Variants in BMP2K observed in about 807,000 individuals in gnomAD.
The protein encoded by BMP2K is BMP2 inducible kinase, also known as BMP-2-inducible protein kinase.
In BMP2K, 74 loss-of-function variants were observed where a neutral mutation model predicts 116.0. The ratio of observed to expected loss-of-function variants is 0.64; its 90% CI spans 0.53 to 0.77. The LOEUF is 0.77. Among genes scored for constraint, BMP2K ranks in the 30% least tolerant of loss-of-function variants. The pLI is 0.00. For missense variants in BMP2K, 1,365 were observed against 1,403.6 expected (o/e 0.97, Z 0.44); for synonymous variants, 486 against 502.5 (o/e 0.97, Z 0.44).
chr4:78,795,602 A>G lies in BMP2K; in HGVS notation c.178+18881A>G, dbSNP rs568002569. On this transcript the variant is annotated intron_variant, in intron 1 of 15. Transcript: ENST00000502613. ...AAACTACCATCAGAGTGAACAGACA[A>G]CCTACAAAATGGGAGAAAATTTTCG... Among the ~76,000 whole-genome samples, 221 of 152,306 alleles carry G rather than the reference A, an allele frequency of 1.5e-3. 1 individual carries two copies. Among genetic ancestry groups the G allele is most frequent in the African/African-American group, 5.0e-3 (208 of 41,548 alleles).
At chr4:78,864,522 T>C (rs1731951846) in intron 9 of BMP2K, among the ~76,000 whole-genome samples, 1 of 151,722 alleles carries the variant, frequency 6.6e-6, no homozygotes, top group Non-Finnish European at 1.5e-5. Flanking sequence ...GAAAACGGCA[T>C]ACATATAATT....
At chr4:78,778,748 C>G (rs905262028) in intron 1 of BMP2K, among the ~76,000 whole-genome samples, 3 of 152,194 alleles carry the variant, frequency 2.0e-5, no homozygotes, top group African/African-American at 4.8e-5. Context: ...TGTTTAAGCA[C>G]AAGTCTAGTT....
At chr4:78,884,353 A>C (rs1178025126) in intron 14 of BMP2K, among the ~76,000 whole-genome samples, 1 of 152,066 alleles carries the variant, frequency 6.6e-6, no homozygotes, top group Non-Finnish European at 1.5e-5. Context: ...CAAACAAAAA[A>C]AACCAGTATA....
chr4:78,852,400 G>C (rs1386829475), intron 7 of BMP2K, among the ~76,000 whole-genome samples: 1 of 151,940 alleles, frequency 6.6e-6, no homozygotes, highest in Non-Finnish European at 1.5e-5. Context: ...ATAACAAAAG[G>C]TTGAAAAAAC....
intron 15 of BMP2K, 117 bp from the exon 16 acceptor site, chr4:78,910,493 T>G: frequency 1.2e-6 from 1 of 862,986 alleles, no homozygotes; most frequent in African/African-American, 1.7e-5. Context: ...TATTTTTTCC[T>G]CTAAGGGAAC....
chr4:78,787,938 G>A (rs1727805190), intron 1 of BMP2K, among the ~76,000 whole-genome samples: 2 of 152,126 alleles, frequency 1.3e-5, no homozygotes, highest in African/African-American at 4.8e-5. Context: ...TTGGACCATT[G>A]TTAGGGCTGC....
rs779008515 is a variant in BMP2K, at chr4:78,911,633, C to G, written c.3086C>G (p.Ser1029Cys). The G allele has an allele frequency of 6.2e-7, 1 of 1,614,014 alleles. No individual in the cohort carries two copies. Among genetic ancestry groups the G allele is most frequent in the Admixed American group, 1.7e-5 (1 of 60,024 alleles). Residue 1029 changes from serine (S) to cysteine (C), a missense_variant, in exon 16 of 16, where the codon TCT becomes TGT. Physicochemically the swap from Ser to Cys is moderately radical, Grantham distance 112. Coordinates refer to ENST00000502613, the MANE Select transcript of BMP2K (RefSeq NM_198892.2). The part of the protein sequence containing the change: ...RRHKKVGRRD[S>C]QSSNEFLTIS... Reference sequence around the variant, plus strand: ...CACAAAAAAGTGGGCCGCCGAGACTCTCAAAGTAGCAATGAATTTTTAACC... The same window carrying G: ...CACAAAAAAGTGGGCCGCCGAGACTGTCAAAGTAGCAATGAATTTTTAACC...
In BMP2K at chr4:78,915,296, A is replaced by G. The variant is rs945810829; in HGVS notation, c.*3263A>G. 6.6e-6 allele frequency: 1 copy of G among 151,980 alleles called. No homozygotes were observed. The highest frequency in any genetic ancestry group is 1.5e-5 in the Non-Finnish European group (1 of 67,924). 9.4% of individuals were successfully genotyped at this position (151,980 alleles called of 1,614,324 possible). A position where few individuals can be genotyped will look rare whatever the true frequency, so the allele number is the denominator to read the frequency against. On this transcript the variant is annotated 3_prime_UTR_variant, in exon 16 of 16. Transcript: ENST00000502613. ...AGCCCACTCTTCTATGCTGAAGTTC[A>G]CCAGGCAGAGCAGTTTTCTTACAAG... is the stretch of plus-strand genomic sequence containing the variant.
At chr4:78,796,843 T>G (rs1412671777) in intron 1 of BMP2K, among the ~76,000 whole-genome samples, 1 of 152,228 alleles carries the variant, frequency 6.6e-6, no homozygotes, top group African/African-American at 2.4e-5. Context: ...CTGTAGTCTT[T>G]TTCAGTTCTG....
chr4:78,797,561 G>A (rs1321939702), intron 1 of BMP2K, among the ~76,000 whole-genome samples: 1 of 152,126 alleles, frequency 6.6e-6, no homozygotes, highest in African/African-American at 2.4e-5. Flanking sequence ...GGTTGGCATT[G>A]TATGAAAACT....
chr4:78,796,415 T>C (rs1300525472), intron 1 of BMP2K, among the ~76,000 whole-genome samples: 2 of 147,986 alleles, frequency 1.4e-5, no homozygotes, highest in Non-Finnish European at 1.5e-5. Flanking sequence ...AGGGATAGCA[T>C]TGGGAGATAT....
At chr4:78,794,411 A>C (rs541370635) in intron 1 of BMP2K, among the ~76,000 whole-genome samples, 17 of 152,172 alleles carry the variant, frequency 1.1e-4, no homozygotes, top group Non-Finnish European at 2.9e-5. Flanking sequence ...AAATATTCTG[A>C]ATACCAAAAG....
At position 78,842,385 on chromosome 4, in the gene BMP2K, C is replaced by T; in HGVS notation, c.404C>T (p.Ala135Val). ...CTCTCAAAATTACTTTTTTGGTTAG[C>T]TGGACAGGTAGTGAATCAAATGAAT... ...EVLILMEYCR[A>V]GQVVNQMNKK... The change falls in exon 4 of 16, where the codon GCT (alanine) becomes GTT (valine). Residue 135 changes from alanine to valine, a missense_variant and splice_region_variant. Physicochemically the swap from Ala to Val is moderately conservative, Grantham distance 64. This residue lies in a region of BMP2K where 762 missense variants were observed against 756.7 expected (regional missense o/e 1.01). Coordinates refer to ENST00000502613, the MANE Select transcript of BMP2K (RefSeq NM_198892.2). 1.3e-6 allele frequency: 2 copies of T among 1,578,748 alleles called. No homozygotes were observed. Among genetic ancestry groups the T allele is most frequent in the South Asian group, 2.3e-5 (2 of 86,608 alleles).
At chr4:78,807,109 C>T (rs1728859989) in intron 1 of BMP2K, among the ~76,000 whole-genome samples, 2 of 152,132 alleles carry the variant, frequency 1.3e-5, no homozygotes, top group South Asian at 4.1e-4. Context: ...GCCTTGGCCT[C>T]CCAAAGTGCT....
rs553050180 is a variant in BMP2K, at chr4:78,882,457, T to C, written c.1951+3566T>C. 2.0e-5 allele frequency among the ~76,000 whole-genome samples: 3 copies of C among 151,856 alleles called. No homozygotes were observed. In the East Asian group the frequency reaches 5.8e-4, roughly 29 times the overall value. ...GAATGATTTTTTTAAAATTTAAGTT[T>C]GTATTTTTACTTTTTTGTACCAGAA... On this transcript the variant is annotated intron_variant, in intron 14 of 15. Coordinates refer to ENST00000502613, the MANE Select transcript of BMP2K (RefSeq NM_198892.2).
chr4:78,846,213 C>T (rs371360803), intron 5 of BMP2K, among the ~76,000 whole-genome samples: 23 of 151,644 alleles, frequency 1.5e-4, no homozygotes, highest in African/African-American at 4.8e-4. Flanking sequence ...CTTTGTGGCT[C>T]AATTAATGGA....
chr4:78,852,840 G>A (rs748191282), intron 7 of BMP2K, among the ~76,000 whole-genome samples: 1 of 152,100 alleles, frequency 6.6e-6, no homozygotes, highest in African/African-American at 2.4e-5. Flanking sequence ...CTGGCCTCGA[G>A]CAGTCCTGCC....
At chr4:78,877,896 C>T (rs1417135294) in intron 13 of BMP2K, among the ~76,000 whole-genome samples, 1 of 152,010 alleles carries the variant, frequency 6.6e-6, no homozygotes, top group Non-Finnish European at 1.5e-5. Context: ...CTTATGGAAC[C>T]ACCATCATAT....
In BMP2K at chr4:78,872,646, G is replaced by A. The variant is rs1182539369; in HGVS notation, c.1641G>A (p.Gln547=). 1 of 1,613,962 alleles carries A rather than the reference G, an allele frequency of 6.2e-7. No homozygotes were observed. The highest frequency in any genetic ancestry group is 2.2e-5 in the East Asian group (1 of 44,876). The stretch of plus-strand genomic sequence containing the variant: ...AGTATCAGCAGGCTTTCTTTCAACA[G>A]CAGATGCTAGCTCAACATCAGCCGT... ...MPQYQQAFFQ[Q]QMLAQHQPSQ... is the part of the protein sequence containing the mutation. Residue 547 remains glutamine (Q), a synonymous_variant, in exon 13 of 16, where the codon CAG becomes CAA. Transcript: ENST00000502613.
Sources: gnomAD v4.1 joint callset for allele counts (sites outside exome capture counted in the v4.1 genomes callset) on GRCh38, gnomAD v4.1.1 for gene constraint, gnomAD v4.1.1 regional missense constraint, MANE v1.5 for transcripts, NCBI Gene and HGNC (gene_info 2026-07-23, HGNC 2026-07-21) for gene names.